The following FAM210A variants were observed in gnomAD, a reference collection of about 807,000 sequenced individuals.
The protein encoded by FAM210A is mitochondrial inner membrane scaffold 1, also known as family with sequence similarity 210 member A.
In FAM210A, 13 loss-of-function variants were observed where a neutral mutation model predicts 25.3. That is an observed-to-expected ratio of 0.51 (90% CI 0.33 to 0.82). The LOEUF (loss-of-function observed/expected upper bound fraction) is 0.82, where lower values mean the gene tolerates loss of function less well. FAM210A is among the 40% of genes least tolerant of loss of function. The pLI is 0.02. For synonymous variants in FAM210A, 125 were observed against 118.7 expected, an observed-to-expected ratio of 1.05 and a Z score of -0.35; for missense variants, 319 against 323.2, an observed-to-expected ratio of 0.99 and a Z score of 0.10.
chr18:13,724,930 C>A (rs1489240828), intron 1 of FAM210A, among the ~76,000 whole-genome samples: 1 of 152,094 alleles, frequency 6.6e-6, no homozygotes, highest in Non-Finnish European at 1.5e-5. Flanking sequence ...CGCGCCACCA[C>A]GCCTGGCTAA....
intron 1 of FAM210A, among the ~76,000 whole-genome samples, chr18:13,715,859 C>G (rs113425190): frequency 1.3e-5 from 2 of 152,146 alleles, no homozygotes; most frequent in Non-Finnish European, 2.9e-5. Context: ...AGATGAAAAC[C>G]TAGTAAAGTA....
At chr18:13,678,406 G>A (rs994523086) in intron 2 of FAM210A, among the ~76,000 whole-genome samples, 1 of 152,112 alleles carries the variant, frequency 6.6e-6, no homozygotes, top group African/African-American at 2.4e-5. Flanking sequence ...AAGTAGCTGG[G>A]ATTACAGGCT....
chr18:13,714,269 G>A (rs908794530), intron 1 of FAM210A, among the ~76,000 whole-genome samples: 3 of 152,172 alleles, frequency 2.0e-5, no homozygotes, highest in Non-Finnish European at 4.4e-5. Flanking sequence ...TATGTATTAG[G>A]GGAATAAAGA....
chr18:13,666,584 T>C lies in FAM210A; in HGVS notation c.715A>G (p.Thr239Ala). 1 of 1,614,240 alleles carries C rather than the reference T, an allele frequency of 6.2e-7. No individual in the cohort carries two copies. The highest frequency in any genetic ancestry group is 8.5e-7 in the Non-Finnish European group (1 of 1,180,048). ...ATTTTCTCTGTGATAAGCTCCTTTGTCTCTTCCATCCTGTCCTGCAGATAC... is the reference window on the plus strand; with the variant it reads ...ATTTTCTCTGTGATAAGCTCCTTTGCCTCTTCCATCCTGTCCTGCAGATAC... The part of the protein sequence containing the change: ...KEYLQDRMEE[T>A]KELITEKMEE... The change falls in exon 4 of 4, where the codon ACA (threonine) becomes GCA (alanine). Residue 239 changes from threonine (T) to alanine (A), a missense_variant. By Grantham distance (58) the Thr-to-Ala change is moderately conservative. Transcript: ENST00000651643.
intron 2 of FAM210A, among the ~76,000 whole-genome samples, chr18:13,676,604 C>T (rs1251998887): frequency 2.6e-5 from 4 of 152,250 alleles, no homozygotes; most frequent in Non-Finnish European, 5.9e-5. Context: ...CCTACATAAG[C>T]ATCACATTTA....
intron 2 of FAM210A, among the ~76,000 whole-genome samples, chr18:13,673,134 C>T (rs11663471): frequency 0.26 from 38,388 of 150,464 alleles, 5,587 homozygotes; most frequent in Non-Finnish European, 0.34. Context: ...TTTCCAGTTT[C>T]CTTATTAACC....
intron 3 of FAM210A, among the ~76,000 whole-genome samples, chr18:13,668,752 G>A (rs1039594203): frequency 1.3e-4 from 20 of 152,122 alleles, no homozygotes; most frequent in Admixed American, 2.6e-4. Flanking sequence ...CTACTGTGCC[G>A]AACACAGTAG....
intron 1 of FAM210A, among the ~76,000 whole-genome samples, chr18:13,683,343 G>A (rs1259792929): frequency 6.6e-6 from 1 of 152,108 alleles, no homozygotes; most frequent in Non-Finnish European, 1.5e-5. Flanking sequence ...CATATCAATG[G>A]TGGAGAGAAA....
At chr18:13,703,307 G>C (rs62084848) in intron 1 of FAM210A, among the ~76,000 whole-genome samples, 26,561 of 152,180 alleles carry the variant, frequency 0.17, 2,917 homozygotes, top group Admixed American at 0.26. Context: ...GATCAGAGAA[G>C]CATGCTTTGG....
chr18:13,717,814 C>G (rs1182910339), intron 1 of FAM210A, among the ~76,000 whole-genome samples: 2 of 152,070 alleles, frequency 1.3e-5, no homozygotes, highest in Non-Finnish European at 1.5e-5. Flanking sequence ...GTATAGTAGA[C>G]TAAATGGTAG....
chr18:13,694,759 A>G (rs930103422), intron 1 of FAM210A, among the ~76,000 whole-genome samples: 3 of 152,252 alleles, frequency 2.0e-5, no homozygotes, highest in African/African-American at 7.2e-5. Context: ...AAAACCATAA[A>G]AACCCTAGAA....
At chr18:13,711,030 G>C (rs1396272317) in intron 1 of FAM210A, among the ~76,000 whole-genome samples, 1 of 152,184 alleles carries the variant, frequency 6.6e-6, no homozygotes, top group African/African-American at 2.4e-5. Context: ...GTCTTTATGT[G>C]ATGTTTGCCC....
In FAM210A at chr18:13,680,083, G is replaced by A. The variant is rs187948965; in HGVS notation, c.473+1522C>T. Among the ~76,000 whole-genome samples, 1,402 of 152,258 alleles carry A rather than the reference G, an allele frequency of 9.2e-3. 24 individuals carry two copies. The highest frequency in any genetic ancestry group is 0.067 in the South Asian group (325 of 4,822). On this transcript the variant is annotated intron_variant, in intron 2 of 3. Coordinates refer to ENST00000651643, the MANE Select transcript of FAM210A (RefSeq NM_152352.4). ...ATCATACATGGGCAACCTGACGAGG[G>A]CAAAAGAAACACATATGTATTTTTC...
intron 1 of FAM210A, among the ~76,000 whole-genome samples, chr18:13,720,353 C>G (rs1443578778): frequency 6.6e-6 from 1 of 152,084 alleles, no homozygotes; most frequent in Non-Finnish European, 1.5e-5. Context: ...GTTCTGGGAT[C>G]CACTCAAAAC....
At chr18:13,672,972 CTGAT>C (rs1357701588) in intron 2 of FAM210A, among the ~76,000 whole-genome samples, 3 of 152,192 alleles carry the variant, frequency 2.0e-5, no homozygotes, top group African/African-American at 7.2e-5. Context: ...TTCCAGCTTC[CTGAT>C]TATTAACATT....
intron 1 of FAM210A, among the ~76,000 whole-genome samples, chr18:13,697,889 TGTG>T (rs1431919850): frequency 1.5e-4 from 23 of 152,154 alleles, no homozygotes; most frequent in Non-Finnish European, 2.9e-5. Context: ...TATTCAGTAA[TGTG>T]CTATTAAGCC....
intron 1 of FAM210A, among the ~76,000 whole-genome samples, chr18:13,686,012 A>T (rs1175410326): frequency 6.6e-6 from 1 of 152,230 alleles, no homozygotes; most frequent in Non-Finnish European, 1.5e-5. Flanking sequence ...AAATATCAAC[A>T]AAACCAAAAC....
chr18:13,670,409 T>C (rs974010880), intron 3 of FAM210A, among the ~76,000 whole-genome samples: 5 of 152,292 alleles, frequency 3.3e-5, no homozygotes, highest in Admixed American at 1.3e-4. Context: ...ATCAAAATTA[T>C]AATAAAAGAG....
intron 2 of FAM210A, among the ~76,000 whole-genome samples, chr18:13,679,128 G>A (rs1358430042): frequency 6.6e-6 from 1 of 152,170 alleles, no homozygotes; most frequent in Non-Finnish European, 1.5e-5. Flanking sequence ...TCTAAATATA[G>A]AATGACATTT....
Sources: allele counts gnomAD v4.1 joint callset (sites outside exome capture counted in the v4.1 genomes callset), GRCh38; gene constraint gnomAD v4.1.1; transcripts MANE v1.5; gene names NCBI Gene and HGNC (gene_info 2026-07-23, HGNC 2026-07-21).